Variants in NCAM2 observed in about 807,000 individuals in gnomAD.
The protein encoded by NCAM2 is N-CAM-2.
NCAM2 carries 30 observed loss-of-function variants against 98.1 expected under a neutral mutation model. The observed-to-expected ratio is 0.31, with a 90% CI of 0.23 to 0.41. The LOEUF (loss-of-function observed/expected upper bound fraction) is 0.41. Ranked by LOEUF, NCAM2 falls within the 10% of genes least tolerant of loss-of-function variation. The pLI, the probability that NCAM2 is intolerant of heterozygous loss-of-function variation, is 1.00. For synonymous variants in NCAM2, 368 were observed against 342.4 expected (o/e 1.07, Z -0.83); for missense variants, 867 against 1,005.8 (o/e 0.86, Z 1.87).
intron 16 of NCAM2, among the ~76,000 whole-genome samples, chr21:21,516,019 G>A (rs1447899265): frequency 1.3e-5 from 2 of 152,076 alleles, no homozygotes; most frequent in Non-Finnish European, 2.9e-5. Flanking sequence ...AAGATCTCAG[G>A]ATTTTGAGGG....
At chr21:21,192,113 C>G (rs1286849144) in intron 1 of NCAM2, among the ~76,000 whole-genome samples, 2 of 152,110 alleles carry the variant, frequency 1.3e-5, no homozygotes, top group Non-Finnish European at 2.9e-5. Flanking sequence ...ATCCCAGCTA[C>G]CCGGTAGGCT....
chr21:21,421,773 A>C (rs62214319), intron 11 of NCAM2, among the ~76,000 whole-genome samples: 13,522 of 152,244 alleles, frequency 0.089, 716 homozygotes, highest in East Asian at 0.15. Flanking sequence ...ATCATTTGGC[A>C]TATGGTATTT....
chr21:21,024,544 A>T (rs1315214539), intron 1 of NCAM2, among the ~76,000 whole-genome samples: 1 of 152,208 alleles, frequency 6.6e-6, no homozygotes, highest in African/African-American at 2.4e-5. Flanking sequence ...CTTGATCCTC[A>T]ATCAGTTGTC....
At chr21:21,362,538 A>G (rs951963795) in intron 8 of NCAM2, among the ~76,000 whole-genome samples, 1 of 152,042 alleles carries the variant, frequency 6.6e-6, no homozygotes, top group African/African-American at 2.4e-5. Flanking sequence ...GACTACAGGC[A>G]CATGCCACCA....
intron 10 of NCAM2, among the ~76,000 whole-genome samples, chr21:21,411,079 T>TATATATGTGTGTATATATATAC (rs1569033364): frequency 2.0e-4 from 12 of 61,278 alleles, no homozygotes; most frequent in African/African-American, 9.5e-4. Flanking sequence ...TACACACACA[T>TATATATGTGTGTATATATATAC]ATATATATGT....
At chr21:21,493,688 C>T (rs1987006834) in intron 15 of NCAM2, among the ~76,000 whole-genome samples, 1 of 151,910 alleles carries the variant, frequency 6.6e-6, no homozygotes, top group Admixed American at 6.6e-5. Flanking sequence ...TAAAAATCCT[C>T]TGTGTCCTAA....
intron 1 of NCAM2, among the ~76,000 whole-genome samples, chr21:21,003,676 A>G (rs1272011647): frequency 6.6e-6 from 1 of 152,186 alleles, no homozygotes; most frequent in Non-Finnish European, 1.5e-5. Context: ...TTAGTTTTAA[A>G]AAATCATCAT....
intron 16 of NCAM2, among the ~76,000 whole-genome samples, chr21:21,523,102 GAATA>G (rs1989123770): frequency 6.6e-6 from 1 of 152,006 alleles, no homozygotes; most frequent in South Asian, 2.1e-4. Context: ...CTTGTTAATT[GAATA>G]GTTTGCAAAT....
At position 21,324,338 on chromosome 21, in the gene NCAM2, A is replaced by C. The variant is rs773219816; in HGVS notation, c.620-45A>C. On this transcript the variant is annotated intron_variant, in intron 5 of 17. Coordinates refer to ENST00000400546, the MANE Select transcript of NCAM2 (RefSeq NM_004540.5). The stretch of plus-strand genomic sequence containing the variant: ...AAAAATTCTCTAAATGATGGTAGTG[A>C]AGGTGTTTTCGTCTCTATTTATTCT... 58 of 1,379,466 alleles carry C rather than the reference A, an allele frequency of 4.2e-5. No individual in the cohort carries two copies. The South Asian group carries it at 7.4e-4, about 18-fold the overall frequency. 85.5% of individuals were successfully genotyped at this position (1,379,466 alleles called of 1,614,324 possible). A position where few individuals can be genotyped will look rare whatever the true frequency, so the allele number is the denominator to read the frequency against.
chr21:21,357,026 T>TAAATAAATA (rs11473516), intron 8 of NCAM2, among the ~76,000 whole-genome samples: 1 of 150,568 alleles, frequency 6.6e-6, no homozygotes, highest in South Asian at 2.1e-4. Flanking sequence ...AATAAATAAA[T>TAAATAAATA]GTTTCTTGCT....
At chr21:21,233,722 T>A (rs2147197623) in intron 1 of NCAM2, among the ~76,000 whole-genome samples, 1 of 151,888 alleles carries the variant, frequency 6.6e-6, no homozygotes, top group African/African-American at 2.4e-5. Flanking sequence ...AAGTTGTATG[T>A]CAGCAATGTC....
In NCAM2 at chr21:21,517,204, A is replaced by G. The variant is rs146617321; in HGVS notation, c.2282+8149A>G. 2.1e-3 allele frequency among the ~76,000 whole-genome samples: 319 copies of G among 152,256 alleles called. 4 individuals carry two copies. Among genetic ancestry groups the G allele is most frequent in the Non-Finnish European group, 3.7e-3 (250 of 68,020 alleles). Reference sequence around the variant, plus strand: ...GCTTCTAGCTCAATAAAGATTTTCTATTTCATCAACTTGGCTAAAATCCTG... The same window carrying G: ...GCTTCTAGCTCAATAAAGATTTTCTGTTTCATCAACTTGGCTAAAATCCTG... On this transcript the variant is annotated intron_variant, in intron 16 of 17. Transcript: ENST00000400546.
intron 1 of NCAM2, among the ~76,000 whole-genome samples, chr21:21,264,593 C>T (rs969578192): frequency 2.0e-5 from 3 of 151,132 alleles, no homozygotes; most frequent in Admixed American, 6.6e-5. Context: ...TAGAATCAAC[C>T]TAAGTGTCAA....
intron 1 of NCAM2, among the ~76,000 whole-genome samples, chr21:21,257,865 G>A (rs959570758): frequency 2.6e-5 from 4 of 152,174 alleles, no homozygotes; most frequent in Admixed American, 6.5e-5. Context: ...ACAGGCATGA[G>A]CCACTGTACC....
chr21:21,523,025 G>T (rs1177870340), intron 16 of NCAM2, among the ~76,000 whole-genome samples: 1 of 151,552 alleles, frequency 6.6e-6, no homozygotes, highest in Non-Finnish European at 1.5e-5. Context: ...TTTTGTTGTT[G>T]TTATTTGTTG....
intron 1 of NCAM2, among the ~76,000 whole-genome samples, chr21:21,059,947 T>C (rs2146324862): frequency 6.6e-6 from 1 of 152,202 alleles, no homozygotes; most frequent in Non-Finnish European, 1.5e-5. Context: ...GAGCAATTAT[T>C]TGATAATATG....
chr21:21,435,743 T>C (rs2146049416), intron 12 of NCAM2, among the ~76,000 whole-genome samples: 1 of 152,316 alleles, frequency 6.6e-6, no homozygotes, highest in African/African-American at 2.4e-5. Flanking sequence ...GGTACTATTC[T>C]TTCTACTTGA....
intron 1 of NCAM2, among the ~76,000 whole-genome samples, chr21:21,214,428 TGG>T (rs1184499710): frequency 2.6e-5 from 4 of 152,034 alleles, no homozygotes; most frequent in Non-Finnish European, 4.4e-5. Flanking sequence ...ATATGTAATA[TGG>T]GTGCCAGGAT....
chr21:21,536,626 G>A (rs1174806064), intron 17 of NCAM2, among the ~76,000 whole-genome samples: 1 of 152,118 alleles, frequency 6.6e-6, no homozygotes, highest in African/African-American at 2.4e-5. Context: ...CTGACCTCAT[G>A]TGATCCGCCC....
Sources: allele counts gnomAD v4.1 joint callset (sites outside exome capture counted in the v4.1 genomes callset), GRCh38; gene constraint gnomAD v4.1.1; transcripts MANE v1.5; gene names NCBI Gene and HGNC (gene_info 2026-07-23, HGNC 2026-07-21).